Variants in LRRC56 observed in about 807,000 individuals in gnomAD.
LRRC56 encodes the protein leucine rich repeat containing 56.
A neutral mutation model predicts 47.8 loss-of-function variants in LRRC56; 41 were observed. That is an observed-to-expected ratio of 0.86 (90% confidence interval 0.67 to 1.11). The LOEUF (loss-of-function observed/expected upper bound fraction) is 1.11, where lower values mean the gene tolerates loss of function less well. Ranked by LOEUF, LRRC56 falls within the 50% of genes most tolerant of loss-of-function variation. The pLI is 0.00. For synonymous variants in LRRC56, 387 were observed against 311.2 expected (o/e 1.24, Z -2.56); for missense variants, 759 against 704.2 (o/e 1.08, Z -0.88).
upstream of LRRC56, among the ~76,000 whole-genome samples, chr11:536,240 C>G (rs773101796): frequency 8.5e-5 from 13 of 152,244 alleles, no homozygotes; most frequent in Non-Finnish European, 1.6e-4. Flanking sequence ...TCTCCTCTTT[C>G]TCGGGCCTGC....
intron 5 of LRRC56, among the ~76,000 whole-genome samples, chr11:543,045 CCACGCCCAG>C (rs1213388849): frequency 6.6e-6 from 1 of 151,832 alleles, no homozygotes; most frequent in Non-Finnish European, 1.5e-5. Flanking sequence ...GCACTCACCA[CCACGCCCAG>C]CTGATTTCTG....
At chr11:529,977 T>C in the LRRC56 span, among the ~76,000 whole-genome samples, 1 of 152,122 alleles carries the variant, frequency 6.6e-6, no homozygotes, top group Non-Finnish European at 1.5e-5. Context: ...TGGGCTGCTC[T>C]CTGGAGTCCC....
At chr11:517,755 G>A in the LRRC56 span, among the ~76,000 whole-genome samples, 2 of 152,164 alleles carry the variant, frequency 1.3e-5, no homozygotes, top group South Asian at 2.1e-4. Flanking sequence ...AAAAGAAAGA[G>A]AGGTCAGATT....
chr11:532,703 A>G (rs756367459), upstream of LRRC56: 2 of 1,613,216 alleles, frequency 1.2e-6, no homozygotes, highest in Non-Finnish European at 1.7e-6. Flanking sequence ...CAGCTTCCGC[A>G]GCTTGTGCTG....
chr11:534,305 C>T (rs1370136176), upstream of LRRC56: 5 of 1,613,112 alleles, frequency 3.1e-6, no homozygotes, highest in Admixed American at 1.7e-5. Context: ...CCACCACCAC[C>T]AGCTTATATT....
upstream of LRRC56, chr11:532,671 G>C (rs1201430199): frequency 6.2e-7 from 1 of 1,613,022 alleles, no homozygotes; most frequent in African/African-American, 1.3e-5. Flanking sequence ...ATGCAGCCGG[G>C]GCCACTCTCA....
At chr11:533,240 C>G, upstream of LRRC56, 1 of 1,520,408 alleles carries the variant, frequency 6.6e-7, no homozygotes, top group Non-Finnish European at 8.8e-7. Context: ...CCCCGGCCCT[C>G]GCCTCCCTCA....
the LRRC56 span, among the ~76,000 whole-genome samples, chr11:520,642 C>G: frequency 6.6e-6 from 1 of 152,036 alleles, no homozygotes; most frequent in African/African-American, 2.4e-5. Context: ...TTCAAACATA[C>G]AAACAGGTTT....
intron 5 of LRRC56, among the ~76,000 whole-genome samples, chr11:544,486 G>C (rs748717405): frequency 2.2e-4 from 33 of 152,310 alleles, no homozygotes; most frequent in South Asian, 4.1e-4. Flanking sequence ...CACTGAGCCA[G>C]ACCCTCTACC....
Position 549,911 on chromosome 11 carries a change from C to T in LRRC56, c.336C>T (p.Gly112=), listed in dbSNP as rs1248269871. 3.1e-6 allele frequency: 5 copies of T among 1,612,932 alleles called. No individual in the cohort carries two copies. Among genetic ancestry groups the T allele is most frequent in the African/African-American group, 2.7e-5 (2 of 75,056 alleles). Residue 112 remains glycine (G), a synonymous_variant, in exon 7 of 14, where the codon GGC becomes GGT. Coordinates refer to ENST00000270115, the MANE Select transcript of LRRC56 (RefSeq NM_198075.4). The part of the protein sequence containing the change: ...GSHLGSLRDL[G]TSLGHLQVLW... ...ACCCTGCCTTCTGCAGGGACTTGGG[C>T]ACGTCTCTGGGCCACCTGCAGGTGC...
At position 554,249 on chromosome 11, in the gene LRRC56, C is replaced by T. The variant is rs752110657; in HGVS notation, c.1602C>T (p.Leu534=). The change falls in exon 14 of 14, where the codon CTC becomes CTT. Residue 534 remains leucine, a synonymous_variant. Transcript: ENST00000270115. ...AAARPPRAAE[L]SHPSPVPT ...CTAGACCTCCCAGGGCAGCTGAACT[C>T]TCTCACCCCAGCCCCGTCCCCACTT... 6.6e-7 allele frequency: 1 copy of T among 1,506,398 alleles called. No individual in the cohort carries two copies. The highest frequency in any genetic ancestry group is 2.3e-5 in the East Asian group (1 of 43,310). 93.3% of individuals were successfully genotyped at this position (1,506,398 alleles called of 1,614,324 possible).
In LRRC56 at chr11:552,081, C is replaced by T; in HGVS notation, c.1039-9C>T. 6.2e-7 allele frequency: 1 copy of T among 1,608,814 alleles called. No individual in the cohort carries two copies. The highest frequency in any genetic ancestry group is 1.1e-5 in the South Asian group (1 of 90,898). ...CAGAATCCCTAAAGCAGTCCCTTTT[C>T]CTCCCCAGGCCAGGGAGCCCCCCGA... On this transcript the variant is annotated splice_polypyrimidine_tract_variant and intron_variant, in intron 11 of 13. Transcript: ENST00000270115.
the LRRC56 span, among the ~76,000 whole-genome samples, chr11:509,475 G>A: frequency 2.0e-5 from 3 of 152,166 alleles, no homozygotes; most frequent in East Asian, 3.8e-4. Flanking sequence ...CTGAGCGCAC[G>A]GCCAGCATGG....
In LRRC56 at chr11:554,507, C is replaced by T. The variant is rs912768714; in HGVS notation, c.*231C>T. 3 of 419,144 alleles carry T rather than the reference C, an allele frequency of 7.2e-6. No individual in the cohort carries two copies. The highest frequency in any genetic ancestry group is 1.3e-5 in the Non-Finnish European group (3 of 239,820). The allele number at this position is 419,144 out of a possible 1,614,324, so 26.0% of individuals were successfully genotyped here. On this transcript the variant is annotated 3_prime_UTR_variant, in exon 14 of 14. Transcript: ENST00000270115. Reference sequence around the variant, plus strand: ...GGGTTTGGCCTGGGGAGGGAGGGTCCGGCTCCCCAGCCCTTCCTTAGGGCC... The same window carrying T: ...GGGTTTGGCCTGGGGAGGGAGGGTCTGGCTCCCCAGCCCTTCCTTAGGGCC...
rs1310535817 is a variant in LRRC56, at chr11:554,810, GCGCA to G, written c.*535_*538del. On this transcript the variant is annotated 3_prime_UTR_variant, in exon 14 of 14. Transcript: ENST00000270115. ...TAGGGCGGCCCGTTCCCTCCTCTTG[GCGCA>G]GGACGCCCCGGAACCCAAACCAACA... 1.4e-3 allele frequency: 794 copies of G among 550,888 alleles called. 7 individuals are homozygous for G. The African/African-American group carries it at 0.015, about 10-fold the overall frequency. 34.1% of individuals were successfully genotyped at this position (550,888 alleles called of 1,614,324 possible). A position where few individuals can be genotyped will look rare whatever the true frequency, so the allele number is the denominator to read the frequency against.
chr11:550,543 C>T (rs756673934), intron 8 of LRRC56, among the ~76,000 whole-genome samples: 4 of 152,324 alleles, frequency 2.6e-5, no homozygotes, highest in East Asian at 1.9e-4. Context: ...ACATAAGCCA[C>T]GTGGAAACAC....
At chr11:507,446 C>T in the LRRC56 span, 3 of 130,866 alleles carry the variant, frequency 2.3e-5, no homozygotes, top group South Asian at 2.4e-4. Context: ...CGTGGTCTCC[C>T]CCAGTAGGCG....
the LRRC56 span, among the ~76,000 whole-genome samples, chr11:514,775 G>A: frequency 6.6e-6 from 1 of 152,156 alleles, no homozygotes; most frequent in Non-Finnish European, 1.5e-5. Context: ...GTGGAAAACC[G>A]AAAAATCCCT....
chr11:536,935 G>A (rs977631995), upstream of LRRC56: 2 of 152,242 alleles, frequency 1.3e-5, no homozygotes, highest in African/African-American at 4.8e-5. Flanking sequence ...TCGGCTCGGG[G>A]CGGACACGCA....
Sources: gnomAD v4.1 joint callset for allele counts (sites outside exome capture counted in the v4.1 genomes callset) on GRCh38, gnomAD v4.1.1 for gene constraint, MANE v1.5 for transcripts, NCBI Gene and HGNC (gene_info 2026-07-23, HGNC 2026-07-21) for gene names.